The following NAALADL2 variants were observed in gnomAD, a reference collection of about 807,000 sequenced individuals.
NAALADL2 encodes the protein inactive N-acetylated-alpha-linked acidic dipeptidase-like protein 2.
Under a neutral mutation model 87.2 loss-of-function variants are expected in NAALADL2, and 76 were observed. The observed-to-expected ratio is 0.87, with a 90% CI of 0.72 to 1.05. The LOEUF (loss-of-function observed/expected upper bound fraction) is 1.05, where lower values mean the gene tolerates loss of function less well. NAALADL2 is among the 50% of genes least tolerant of loss of function. NAALADL2 has a pLI of 0.00. For synonymous variants in NAALADL2, 354 were observed against 331.0 expected (o/e 1.07, Z -0.75); for missense variants, 1,089 against 945.8 (o/e 1.15, Z -1.99).
chr3:175,438,761 T>C (rs952824643), intron 5 of NAALADL2, among the ~76,000 whole-genome samples: 1 of 152,150 alleles, frequency 6.6e-6, no homozygotes. Context: ...ATTTTTATCC[T>C]TGCACCACCA....
chr3:174,443,622 G>A (rs560846244), intron 1 of NAALADL2, among the ~76,000 whole-genome samples: 2 of 152,294 alleles, frequency 1.3e-5, no homozygotes, highest in East Asian at 3.9e-4. Flanking sequence ...TTGTAAAAGC[G>A]AAGAGATTGA....
In NAALADL2 at chr3:175,137,184, G is replaced by A. The variant is rs532540359; in HGVS notation, c.545+39893G>A. On this transcript the variant is annotated intron_variant, in intron 2 of 13. Coordinates refer to ENST00000454872, the MANE Select transcript of NAALADL2 (RefSeq NM_207015.3). ...AATAATCTCCCACTATGGAAAAATT[G>A]AAAAATGCATAAATATAGAAAAAAA... is the stretch of plus-strand genomic sequence containing the variant. Among the ~76,000 whole-genome samples, 4 of 151,988 alleles carry A rather than the reference G, an allele frequency of 2.6e-5. No individual in the cohort carries two copies. In the East Asian group the frequency reaches 7.7e-4, roughly 29 times the overall value.
At chr3:174,713,938 A>C (rs1730933576) in intron 2 of NAALADL2, among the ~76,000 whole-genome samples, 1 of 152,090 alleles carries the variant, frequency 6.6e-6, no homozygotes, top group Admixed American at 6.6e-5. Context: ...TTTTAGGTCT[A>C]ACATTTAAGT....
At chr3:174,605,226 A>G (rs10936808) in intron 2 of NAALADL2, among the ~76,000 whole-genome samples, 54,451 of 152,122 alleles carry the variant, frequency 0.36, 10,846 homozygotes, top group Middle Eastern at 0.47. Flanking sequence ...TACAGCTCCC[A>G]GCGTGAGCAA....
chr3:174,715,485 G>A (rs1201038193), intron 2 of NAALADL2, among the ~76,000 whole-genome samples: 2 of 151,944 alleles, frequency 1.3e-5, no homozygotes, highest in African/African-American at 4.8e-5. Flanking sequence ...CTTATCCCTG[G>A]GCTTAGATTG....
At chr3:175,088,375 CCTT>C (rs1261966558) in intron 1 of NAALADL2, among the ~76,000 whole-genome samples, 4 of 152,190 alleles carry the variant, frequency 2.6e-5, no homozygotes, top group Admixed American at 1.3e-4. Context: ...TGAGCTGCCT[CCTT>C]CTTTCCCACG....
intron 2 of NAALADL2, 45 bp downstream of exon 2, chr3:175,097,336 A>G: frequency 1.3e-6 from 2 of 1,544,024 alleles, no homozygotes; most frequent in East Asian, 2.3e-5. Flanking sequence ...ATTTCTTGGG[A>G]AAAATGTCTC....
upstream of NAALADL2, among the ~76,000 whole-genome samples, chr3:174,856,455 A>C (rs987496587): frequency 1.1e-4 from 16 of 152,102 alleles, no homozygotes; most frequent in Non-Finnish European, 2.2e-4. Context: ...ATTCTGAGTG[A>C]CTTGATGAGA....
At chr3:175,051,964 C>T (rs1361833802) in intron 1 of NAALADL2, among the ~76,000 whole-genome samples, 1 of 152,194 alleles carries the variant, frequency 6.6e-6, no homozygotes, top group Non-Finnish European at 1.5e-5. Context: ...ATTAAAGACA[C>T]ACACACAGGA....
At chr3:175,454,251 G>C (rs1560576995) in intron 6 of NAALADL2, among the ~76,000 whole-genome samples, 2 of 151,488 alleles carry the variant, frequency 1.3e-5, no homozygotes, top group South Asian at 4.2e-4. Flanking sequence ...TTTTCCTTGA[G>C]GTTTATTTTT....
intron 3 of NAALADL2, among the ~76,000 whole-genome samples, chr3:174,769,088 C>G (rs1714210198): frequency 6.6e-6 from 1 of 151,456 alleles, no homozygotes; most frequent in Non-Finnish European, 1.5e-5. Flanking sequence ...ACTTTGGTTC[C>G]TTGAATAAGC....
intron 1 of NAALADL2, among the ~76,000 whole-genome samples, chr3:174,956,002 G>A (rs1741096006): frequency 1.3e-5 from 2 of 148,654 alleles, no homozygotes; most frequent in African/African-American, 5.2e-5. Flanking sequence ...TTTCACTTAA[G>A]TCAATCAGTT....
chr3:175,539,302 C>A (rs1711858047), intron 9 of NAALADL2, among the ~76,000 whole-genome samples: 1 of 152,102 alleles, frequency 6.6e-6, no homozygotes. Context: ...AAGTTGAACA[C>A]CACCTTGACA....
At chr3:174,450,531 G>C (rs1236085982) in intron 1 of NAALADL2, among the ~76,000 whole-genome samples, 1 of 152,126 alleles carries the variant, frequency 6.6e-6, no homozygotes, top group Non-Finnish European at 1.5e-5. Context: ...GGTTTCTTGA[G>C]AAAGGAACTC....
chr3:175,409,059 T>A (rs1329798353), intron 5 of NAALADL2, among the ~76,000 whole-genome samples: 2 of 152,016 alleles, frequency 1.3e-5, no homozygotes, highest in Non-Finnish European at 2.9e-5. Context: ...CTTTAAAATG[T>A]ATATAGCCAC....
intron 2 of NAALADL2, among the ~76,000 whole-genome samples, chr3:175,152,542 G>A (rs1731698820): frequency 6.6e-6 from 1 of 152,120 alleles, no homozygotes; most frequent in Admixed American, 6.6e-5. Flanking sequence ...TTATACAGAA[G>A]TGAAACAAGG....
chr3:175,218,230 G>C, intron 2 of NAALADL2: 1 of 319,174 alleles, frequency 3.1e-6, no homozygotes. Context: ...GAGATAATTA[G>C]TCAAAGGATA....
At chr3:175,403,075 ATG>A (rs1219591846) in intron 5 of NAALADL2, among the ~76,000 whole-genome samples, 1 of 151,684 alleles carries the variant, frequency 6.6e-6, no homozygotes, top group African/African-American at 2.4e-5. Context: ...TTGTTTGGGG[ATG>A]TGTGTGTGTC....
chr3:174,600,552 A>T (rs1346256431), intron 2 of NAALADL2, among the ~76,000 whole-genome samples: 1 of 152,204 alleles, frequency 6.6e-6, no homozygotes, highest in African/African-American at 2.4e-5. Context: ...AAAATTTTTA[A>T]TTTTTGTGAG....
Sources: gnomAD v4.1 joint callset for allele counts (sites outside exome capture counted in the v4.1 genomes callset) on GRCh38, gnomAD v4.1.1 for gene constraint, MANE v1.5 for transcripts, NCBI Gene and HGNC (gene_info 2026-07-23, HGNC 2026-07-21) for gene names.